Variants in NBEAL1 observed in about 807,000 individuals in gnomAD.
NBEAL1 encodes the protein neurobeachin like 1.
NBEAL1 carries 273 observed loss-of-function variants against 351.3 expected under a neutral mutation model. The observed-to-expected ratio is 0.78, with a 90% CI of 0.70 to 0.86. NBEAL1 has a LOEUF of 0.86. Among genes scored for constraint, NBEAL1 ranks in the 40% least tolerant of loss-of-function variants. The pLI is 0.00. For synonymous variants in NBEAL1, 1,050 were observed against 1,086.4 expected (o/e 0.97, Z 0.66); for missense variants, 2,961 against 3,201.3 (o/e 0.92, Z 1.81).
intron 2 of NBEAL1, among the ~76,000 whole-genome samples, chr2:203,030,059 C>T (rs1426754666): frequency 6.6e-6 from 1 of 152,116 alleles, no homozygotes; most frequent in African/African-American, 2.4e-5. Context: ...TTTAAAGGAT[C>T]TATAGTAGCT....
chr2:203,127,989 C>A, intron 24 of NBEAL1, 52 bp downstream of exon 24: 1 of 1,329,570 alleles, frequency 7.5e-7, no homozygotes. Context: ...TGAGTTGCTA[C>A]ATCATCTTCT....
chr2:203,144,765 C>G lies in NBEAL1; in HGVS notation c.5014C>G (p.Leu1672Val), dbSNP rs2063466675. ...ATTTCTGATTCCCCTTGTTCGTACC[C>G]TGGTTTCCAAAATTTATGAGCTTCT... Reference protein sequence around the residue: ...YSFLIPLVRTLVSKIYELLFM... With the variant: ...YSFLIPLVRTVVSKIYELLFM... The change falls in exon 32 of 56, where the codon CTG (leucine) becomes GTG (valine). Residue 1672 changes from leucine to valine, a missense_variant. Physicochemically the swap from Leu to Val is conservative, Grantham distance 32. Coordinates refer to ENST00000683969, the MANE Select transcript of NBEAL1 (RefSeq NM_001378026.1). 6.2e-7 allele frequency: 1 copy of G among 1,614,130 alleles called. No individual in the cohort carries two copies. Among genetic ancestry groups the G allele is most frequent in the Middle Eastern group, 1.7e-4 (1 of 6,058 alleles).
chr2:203,177,974 A>G (rs1353830910), intron 42 of NBEAL1, among the ~76,000 whole-genome samples: 3 of 151,662 alleles, frequency 2.0e-5, no homozygotes, highest in Admixed American at 1.3e-4. Flanking sequence ...AGCCAAGATC[A>G]TGTCACTGCA....
At chr2:203,177,898 A>AATG (rs1485289466) in intron 42 of NBEAL1, among the ~76,000 whole-genome samples, 19 of 152,152 alleles carry the variant, frequency 1.2e-4, no homozygotes, top group African/African-American at 4.6e-4. Flanking sequence ...GGGTGCCTGT[A>AATG]ATCCTAGCTA....
chr2:203,191,876 T>C (rs1559052854), intron 46 of NBEAL1, among the ~76,000 whole-genome samples: 1 of 152,172 alleles, frequency 6.6e-6, no homozygotes, highest in Non-Finnish European at 1.5e-5. Flanking sequence ...GCTACCTAAT[T>C]AGGACACTTT....
chr2:203,207,235 C>T (rs2065621007), intron 51 of NBEAL1, among the ~76,000 whole-genome samples: 1 of 151,784 alleles, frequency 6.6e-6, no homozygotes, highest in East Asian at 2.0e-4. Flanking sequence ...GCCACCCCAT[C>T]TGGGAAGTGA....
At position 203,209,254 on chromosome 2, in the gene NBEAL1, A is replaced by T; in HGVS notation, c.7717A>T (p.Asn2573Tyr). The change falls in exon 53 of 56, where the codon AAT (asparagine) becomes TAT (tyrosine). Residue 2573 changes from asparagine (N) to tyrosine (Y), a missense_variant. By Grantham distance (143) the Asn-to-Tyr change is moderately radical (BLOSUM62 -2). Transcript: ENST00000683969. ...GAGTTCTCTGTTCCTGACCATTCCT[A>T]ATTTGGCTATATCTTGGGAAGGACA... is the stretch of plus-strand genomic sequence containing the variant. ...CESSLFLTIP[N>Y]LAISWEGHIV... is the part of the protein sequence containing the mutation. The T allele has an allele frequency of 6.2e-7, 1 of 1,613,916 alleles. No individual in the cohort carries two copies. The highest frequency in any genetic ancestry group is 1.1e-5 in the South Asian group (1 of 91,076).
At position 203,133,244 on chromosome 2, in the gene NBEAL1, A is replaced by C. The variant is rs967146570; in HGVS notation, c.3813+98A>C. ...TTGCAGCAGATACAAGTTTTCATTT[A>C]TTTTATAAATGACGTAATTTTATAA... On this transcript the variant is annotated intron_variant, in intron 27 of 55. Transcript: ENST00000683969. 6.4e-5 allele frequency: 31 copies of C among 485,300 alleles called. No homozygotes were observed. In the Admixed American group the frequency reaches 1.0e-3, roughly 16 times the overall value. The allele number at this position is 485,300 out of a possible 1,614,324, so 30.1% of individuals were successfully genotyped here. A position where few individuals can be genotyped will look rare whatever the true frequency, so the allele number is the denominator to read the frequency against.
In NBEAL1 at chr2:203,136,654, G is replaced by A. The variant is rs201308096; in HGVS notation, c.4445G>A (p.Cys1482Tyr). The change falls in exon 29 of 56, where the codon TGT becomes TAT. Residue 1482 changes from cysteine to tyrosine, a missense_variant. Transcript: ENST00000683969. ...LLTHILNYVM[C>Y]KGLEKSDDDT... ...ACACATATTTTGAATTATGTAATGTGTAAGGGACTAGAAAAGTCTGATGAT... is the reference window on the plus strand; with the variant it reads ...ACACATATTTTGAATTATGTAATGTATAAGGGACTAGAAAAGTCTGATGAT... The A allele has an allele frequency of 1.8e-4, 286 of 1,613,366 alleles. No homozygotes were observed. The highest frequency in any genetic ancestry group is 2.7e-4 in the Admixed American group (16 of 60,004).
At chr2:203,037,230 T>C (rs1479033949) in intron 2 of NBEAL1, among the ~76,000 whole-genome samples, 1 of 149,304 alleles carries the variant, frequency 6.7e-6, no homozygotes, top group Non-Finnish European at 1.5e-5. Flanking sequence ...AGTGTAATGC[T>C]TTTATTTCGG....
chr2:203,165,690 A>G (rs1448309023), intron 36 of NBEAL1, among the ~76,000 whole-genome samples: 2 of 152,218 alleles, frequency 1.3e-5, no homozygotes, highest in Non-Finnish European at 2.9e-5. Flanking sequence ...TAATATGCAG[A>G]ATACTTCTTG....
chr2:203,115,705 C>T lies in NBEAL1; in HGVS notation c.2507-280C>T, dbSNP rs886625976. The stretch of plus-strand genomic sequence containing the variant: ...TCAGCCTCCCAAAGTGCTGGGATTA[C>T]AGGCATGAGCTGTGGGATTACAGGC... On this transcript the variant is annotated intron_variant, in intron 17 of 55. Coordinates refer to ENST00000683969, the MANE Select transcript of NBEAL1 (RefSeq NM_001378026.1). Among the ~76,000 whole-genome samples, 4 of 152,144 alleles carry T rather than the reference C, an allele frequency of 2.6e-5. No individual in the cohort carries two copies. The South Asian group carries it at 8.3e-4, about 31-fold the overall frequency.
At chr2:203,199,587 C>T (rs751645495) in intron 49 of NBEAL1, 140 bp downstream of exon 49, 19 of 517,106 alleles carry the variant, frequency 3.7e-5, no homozygotes, top group Admixed American at 1.5e-4. Flanking sequence ...CTCTGCGGTG[C>T]AGTGGCGCAA....
In NBEAL1 at chr2:203,151,398, T is replaced by C; in HGVS notation, c.5463-67T>C. 3 of 1,206,190 alleles carry C rather than the reference T, an allele frequency of 2.5e-6. No individual in the cohort carries two copies. In the South Asian group the frequency reaches 4.7e-5, roughly 19 times the overall value. 74.7% of individuals were successfully genotyped at this position (1,206,190 alleles called of 1,614,324 possible). ...AAATACTTGATACTTTTTTACATTA[T>C]TTAAATCAAACAATCTTTGTAACTT... On this transcript the variant is annotated intron_variant, in intron 34 of 55. Coordinates refer to ENST00000683969, the MANE Select transcript of NBEAL1 (RefSeq NM_001378026.1).
rs375198587 is a variant in NBEAL1, at chr2:203,111,984, C to T, written c.2088C>T (p.Asn696=). The T allele has an allele frequency of 2.1e-5, 33 of 1,549,738 alleles. No individual in the cohort carries two copies. Among genetic ancestry groups the T allele is most frequent in the Non-Finnish European group, 2.8e-5 (32 of 1,146,662 alleles). ...TGTGTGTTTCACTTTACCAGCACAA[C>T]ATAACTGTTGTCCACATGCCTGGAA... The part of the protein sequence containing the change: ...DHSFCDSLWH[N]ITVVHMPGKR... Residue 696 remains asparagine (N), a synonymous_variant, in exon 16 of 56, where the codon AAC becomes AAT. Coordinates refer to ENST00000683969, the MANE Select transcript of NBEAL1 (RefSeq NM_001378026.1).
At chr2:203,155,799 C>A (rs1373044433) in intron 35 of NBEAL1, among the ~76,000 whole-genome samples, 1 of 152,098 alleles carries the variant, frequency 6.6e-6, no homozygotes, top group Non-Finnish European at 1.5e-5. Flanking sequence ...ACTTTTTATA[C>A]CAACTTTTAG....
intron 19 of NBEAL1, among the ~76,000 whole-genome samples, chr2:203,123,554 G>C (rs1031672995): frequency 1.3e-5 from 2 of 151,836 alleles, no homozygotes; most frequent in African/African-American, 4.8e-5. Context: ...GACTGGTCTC[G>C]GACTCCTGAC....
chr2:203,166,720 ATT>A (rs1244498076), intron 37 of NBEAL1, among the ~76,000 whole-genome samples: 1 of 136,600 alleles, frequency 7.3e-6, no homozygotes, highest in Non-Finnish European at 1.6e-5. Flanking sequence ...CTAATTTTGT[ATT>A]TTTTTTTTTT....
intron 10 of NBEAL1, among the ~76,000 whole-genome samples, chr2:203,093,743 A>G (rs934586040): frequency 1.3e-5 from 2 of 152,160 alleles, no homozygotes; most frequent in African/African-American, 4.8e-5. Context: ...AATCCTAGCT[A>G]CTAGAGAGGC....
Sources: allele counts gnomAD v4.1 joint callset (sites outside exome capture counted in the v4.1 genomes callset), GRCh38; gene constraint gnomAD v4.1.1; transcripts MANE v1.5; gene names NCBI Gene and HGNC (gene_info 2026-07-23, HGNC 2026-07-21).